The following CPSF6 variants were observed in gnomAD, a reference collection of about 807,000 sequenced individuals.
The protein encoded by CPSF6 is cleavage and polyadenylation specific factor 6.
A neutral mutation model predicts 56.7 loss-of-function variants in CPSF6; 10 were observed. The ratio of observed to expected loss-of-function variants is 0.18; its 90% CI spans 0.11 to 0.30. The LOEUF (loss-of-function observed/expected upper bound fraction) is 0.30. Ranked by LOEUF, CPSF6 falls within the 10% of genes least tolerant of loss-of-function variation. The probability of loss-of-function intolerance (pLI) is 1.00; values close to 1 mark genes in which losing one functional copy is unlikely to be tolerated. For missense variants in CPSF6, 419 were observed against 722.9 expected (o/e 0.58, Z 4.82); for synonymous variants, 248 against 244.8 (o/e 1.01, Z -0.12).
rs547580679 is a variant in CPSF6, at chr12:69,252,059, C to CG, written c.270+722dup. On this transcript the variant is annotated intron_variant, in intron 2 of 9. Coordinates refer to ENST00000435070, the MANE Select transcript of CPSF6 (RefSeq NM_007007.3). ...TCCTTAATAACACTGTATTTTTAAA[C>CG]GTTTTATTTACATTTCTTTTTTTCA... 1,367 of 455,738 alleles carry CG rather than the reference C, an allele frequency of 3.0e-3. 12 individuals carry two copies. The highest frequency in any genetic ancestry group is 0.024 in the African/African-American group (1,228 of 50,124). 28.2% of individuals were successfully genotyped at this position (455,738 alleles called of 1,614,324 possible).
chr12:69,259,623 A>G lies in CPSF6; in HGVS notation c.1315+80A>G, dbSNP rs1872660806. 2.5e-6 allele frequency: 3 copies of G among 1,180,236 alleles called. No individual in the cohort carries two copies. The Admixed American group carries it at 7.4e-5, about 29-fold the overall frequency. 73.1% of individuals were successfully genotyped at this position (1,180,236 alleles called of 1,614,324 possible). ...AAAATGTAAGTACAATCTAGAAGAT[A>G]GGTCATTTACATGTAGTAGTTCTTT... On this transcript the variant is annotated intron_variant, in intron 7 of 9. Transcript: ENST00000435070.
chr12:69,241,074 A>G (rs896058073), intron 1 of CPSF6, among the ~76,000 whole-genome samples: 4 of 152,222 alleles, frequency 2.6e-5, no homozygotes, highest in African/African-American at 9.6e-5. Flanking sequence ...GAAACTCAAG[A>G]GATCTTTACT....
intron 8 of CPSF6, 161 bp from the exon 9 acceptor site, chr12:69,262,212 C>A: frequency 2.4e-6 from 1 of 422,182 alleles, no homozygotes; most frequent in Non-Finnish European, 3.2e-6. Context: ...TTCATGCTTA[C>A]CTGGTGAGTT....
chr12:69,266,211 C>T (rs1023445040), intron 9 of CPSF6, among the ~76,000 whole-genome samples: 15 of 152,228 alleles, frequency 9.9e-5, no homozygotes, highest in Middle Eastern at 6.8e-3. Context: ...CTGAGGTCTG[C>T]GTTATAGCTC....
chr12:69,269,036 G>A (rs1301792829), intron 9 of CPSF6, among the ~76,000 whole-genome samples: 3 of 151,832 alleles, frequency 2.0e-5, no homozygotes, highest in African/African-American at 7.2e-5. Context: ...GTTCCTGTAT[G>A]CTGTTAAATA....
At chr12:69,250,383 CTTATT>C (rs1197975067) in intron 1 of CPSF6, among the ~76,000 whole-genome samples, 1 of 151,448 alleles carries the variant, frequency 6.6e-6, no homozygotes, top group Non-Finnish European at 1.5e-5. Flanking sequence ...TTTCATGTTA[CTTATT>C]TTGTTTCCAT....
chr12:69,254,254 A>G (rs1229107550), intron 3 of CPSF6, among the ~76,000 whole-genome samples: 1 of 152,044 alleles, frequency 6.6e-6, no homozygotes, highest in African/African-American at 2.4e-5. Flanking sequence ...CATTGTCTAC[A>G]AGGTACTTTC....
chr12:69,259,996 T>C (rs186080827), intron 7 of CPSF6, 48 bp from the exon 8 acceptor site: 4 of 1,600,124 alleles, frequency 2.5e-6, no homozygotes, highest in Non-Finnish European at 3.4e-6. Flanking sequence ...TGATGGTGTT[T>C]TGAAAACAAA....
intron 8 of CPSF6, among the ~76,000 whole-genome samples, chr12:69,260,626 A>T (rs1872704536): frequency 6.6e-6 from 1 of 152,094 alleles, no homozygotes; most frequent in Non-Finnish European, 1.5e-5. Flanking sequence ...CTAACTTCTT[A>T]GGGTGGGGCT....
At chr12:69,259,327 A>G in intron 6 of CPSF6, 101 bp from the exon 7 acceptor site, 1 of 1,422,446 alleles carries the variant, frequency 7.0e-7, no homozygotes, top group East Asian at 2.4e-5. Flanking sequence ...CTATCTCTAA[A>G]GCACATGTCA....
intron 9 of CPSF6, 123 bp downstream of exon 9, chr12:69,262,685 C>A: frequency 8.7e-7 from 1 of 1,155,944 alleles, no homozygotes; most frequent in Non-Finnish European, 1.1e-6. Context: ...TGAATTTAAT[C>A]TTCTGGAAAC....
chr12:69,242,203 T>TA (rs5798929), intron 1 of CPSF6, among the ~76,000 whole-genome samples: 77,910 of 150,710 alleles, frequency 0.52, 20,373 homozygotes, highest in East Asian at 0.72. Flanking sequence ...TTGTAAACAT[T>TA]AAAAAAAAAA....
chr12:69,257,640 T>C (rs1335725114), intron 4 of CPSF6, 92 bp from the exon 5 acceptor site: 2 of 1,188,802 alleles, frequency 1.7e-6, no homozygotes, highest in Non-Finnish European at 2.4e-6. Context: ...CAAGTTAATA[T>C]ATTAGAAATA....
intron 3 of CPSF6, among the ~76,000 whole-genome samples, chr12:69,253,791 C>G (rs1007850001): frequency 6.6e-6 from 1 of 152,006 alleles, no homozygotes; most frequent in Non-Finnish European, 1.5e-5. Context: ...TTGCATCATA[C>G]CTGGTATGCT....
At position 69,243,363 on chromosome 12, in the gene CPSF6, C is replaced by A. The variant is rs1439346617; in HGVS notation, c.60+3657C>A. On this transcript the variant is annotated intron_variant, in intron 1 of 9. Coordinates refer to ENST00000435070, the MANE Select transcript of CPSF6 (RefSeq NM_007007.3). ...ACTTTTATGACAGTAAACTGTTCTA[C>A]AATCATGTGTCGCTTCACGATGGCG... Among the ~76,000 whole-genome samples the A allele has an allele frequency of 3.3e-5, 5 of 152,306 alleles. No individual in the cohort carries two copies. In the East Asian group the frequency reaches 7.7e-4, roughly 23 times the overall value.
chr12:69,245,131 G>A (rs1270101550), intron 1 of CPSF6, among the ~76,000 whole-genome samples: 1 of 149,028 alleles, frequency 6.7e-6, no homozygotes, highest in Non-Finnish European at 1.5e-5. Flanking sequence ...AAACAAAAAA[G>A]TATAGTATAA....
At position 69,258,234 on chromosome 12, in the gene CPSF6, G is replaced by A. The variant is rs1872590933; in HGVS notation, c.694+329G>A. ...TTACCTCTTAAAAAAATCCTTTCAA[G>A]ATCATTTTTCCTTGTTTCACTTTCT... On this transcript the variant is annotated intron_variant, in intron 5 of 9. Coordinates refer to ENST00000435070, the MANE Select transcript of CPSF6 (RefSeq NM_007007.3). This position sits in a 1 kb window ranked among gnomAD's most constrained non-coding sequence, Gnocchi z 4.2. 2 of 802,944 alleles carry A rather than the reference G, an allele frequency of 2.5e-6. No individual in the cohort carries two copies. The highest frequency in any genetic ancestry group is 3.9e-6 in the Non-Finnish European group (2 of 512,380). 49.7% of individuals were successfully genotyped at this position (802,944 alleles called of 1,614,324 possible).
chr12:69,260,444 C>G (rs1343249289), intron 8 of CPSF6, among the ~76,000 whole-genome samples: 1 of 151,960 alleles, frequency 6.6e-6, no homozygotes, highest in Non-Finnish European at 1.5e-5. Flanking sequence ...ATCTTTTTAG[C>G]CTCATTTTGT....
intron 7 of CPSF6, 139 bp downstream of exon 7, chr12:69,259,682 A>C (rs975138353): frequency 6.1e-6 from 5 of 826,440 alleles, no homozygotes; most frequent in Admixed American, 6.9e-5. Context: ...CGATTTATTT[A>C]AAAAGCATTG....
Sources: allele counts gnomAD v4.1 joint callset (sites outside exome capture counted in the v4.1 genomes callset), GRCh38; gene constraint gnomAD v4.1.1; non-coding constraint Gnocchi (gnomAD v3.1); transcripts MANE v1.5; gene names NCBI Gene and HGNC (gene_info 2026-07-23, HGNC 2026-07-21).